CALN1: variants seen among roughly 807,000 people sequenced by gnomAD.
CALN1 encodes calcium-binding protein 8.
In CALN1, 17 loss-of-function variants were observed where a neutral mutation model predicts 30.6. That is an observed-to-expected ratio of 0.56 (90% confidence interval 0.38 to 0.83). The LOEUF (loss-of-function observed/expected upper bound fraction) is 0.83, where lower values mean the gene tolerates loss of function less well. Among genes scored for constraint, CALN1 ranks in the 40% least tolerant of loss-of-function variants. The pLI is 0.00. For synonymous variants in CALN1, 156 were observed against 131.4 expected, an observed-to-expected ratio of 1.19 and a Z score of -1.28; for missense variants, 291 against 354.9, an observed-to-expected ratio of 0.82 and a Z score of 1.45.
the CALN1 span, among the ~76,000 whole-genome samples, chr7:72,459,277 C>A: frequency 6.6e-6 from 1 of 152,154 alleles, no homozygotes; most frequent in Non-Finnish European, 1.5e-5. Context: ...AACCTCACAC[C>A]TGTGAAATTC....
At chr7:72,343,678 A>G (rs1056791915) in intron 2 of CALN1, among the ~76,000 whole-genome samples, 1 of 152,238 alleles carries the variant, frequency 6.6e-6, no homozygotes, top group Non-Finnish European at 1.5e-5. Context: ...AGAAAAGGTA[A>G]GCAGAGACAG....
At chr7:72,417,618 T>C (rs1343730383) in intron 1 of CALN1, among the ~76,000 whole-genome samples, 1 of 152,254 alleles carries the variant, frequency 6.6e-6, no homozygotes, top group East Asian at 1.9e-4. Context: ...TTAATATGAT[T>C]ATGTTCAATC....
At chr7:72,079,839 C>T (rs978533916) in intron 4 of CALN1, among the ~76,000 whole-genome samples, 6 of 142,202 alleles carry the variant, frequency 4.2e-5, no homozygotes, top group South Asian at 2.2e-4. Context: ...GGCGTGATCT[C>T]GGCTCACTGC....
rs1010635078 is a variant in CALN1 at position 71,978,262 on chromosome 7, CTTTTTT to C, written c.501+45389_501+45394del. Among the ~76,000 whole-genome samples the C allele has an allele frequency of 3.9e-3, 282 of 72,932 alleles. 4 individuals carry two copies. Among genetic ancestry groups the C allele is most frequent in the African/African-American group, 0.013 (231 of 17,632 alleles). 47.8% of individuals were successfully genotyped at this position (72,932 alleles called of 152,430 possible). Reference sequence around the variant, plus strand: ...AAAAACTCAGGGACTCTAGAGAATTCTTTTTTTTTTTTTTTTTTTTTTTTTTTGAGG... The same window carrying C: ...AAAAACTCAGGGACTCTAGAGAATTCTTTTTTTTTTTTTTTTTTTTTGAGG... On this transcript the variant is annotated intron_variant, in intron 5 of 6. Transcript: ENST00000395275.
At position 72,115,484 on chromosome 7, in the gene CALN1, C is replaced by CTTT. The variant is rs71069026; in HGVS notation, c.245-9193_245-9191dup. On this transcript the variant is annotated intron_variant, in intron 3 of 6. Coordinates refer to ENST00000395275, the MANE Select transcript of CALN1 (RefSeq NM_031468.4). The stretch of plus-strand genomic sequence containing the variant: ...GATAAATACATTACACATATACATT[C>CTTT]TTTTTTTTTTTTTTTTTTTTTTTTT... Among the ~76,000 whole-genome samples the CTTT allele has an allele frequency of 7.0e-3, 565 of 80,556 alleles. 16 individuals are homozygous for CTTT. The highest frequency in any genetic ancestry group is 0.02 in the African/African-American group (368 of 18,094). The allele number at this position is 80,556 out of a possible 152,430, so 52.8% of individuals were successfully genotyped here. A position where few individuals can be genotyped will look rare whatever the true frequency, so the allele number is the denominator to read the frequency against.
chr7:72,395,086 G>T (rs1047893204), intron 2 of CALN1, among the ~76,000 whole-genome samples: 1 of 152,188 alleles, frequency 6.6e-6, no homozygotes, highest in South Asian at 2.1e-4. Context: ...TAAACTCTAT[G>T]GTAAGTACTA....
chr7:71,888,391 G>A (rs1443086029), intron 5 of CALN1, among the ~76,000 whole-genome samples: 4 of 149,528 alleles, frequency 2.7e-5, no homozygotes, highest in Non-Finnish European at 5.9e-5. Context: ...AAAAGTGGGC[G>A]ATTGTATGGT....
chr7:72,064,380 A>C (rs2129537271), intron 4 of CALN1, among the ~76,000 whole-genome samples: 1 of 152,336 alleles, frequency 6.6e-6, no homozygotes, highest in South Asian at 2.1e-4. Flanking sequence ...GTGCAAGTGA[A>C]CTTTCTGAGG....
intron 4 of CALN1, among the ~76,000 whole-genome samples, chr7:72,056,409 T>C (rs181067540): frequency 6.6e-6 from 1 of 151,952 alleles, no homozygotes; most frequent in Non-Finnish European, 1.5e-5. Flanking sequence ...TAAATAAAGA[T>C]AATAAACATA....
At chr7:72,357,035 A>T (rs1330445531) in intron 2 of CALN1, among the ~76,000 whole-genome samples, 1 of 151,944 alleles carries the variant, frequency 6.6e-6, no homozygotes, top group African/African-American at 2.4e-5. Context: ...TTAACTGGAC[A>T]TTTTTTAAAA....
intron 2 of CALN1, among the ~76,000 whole-genome samples, chr7:72,339,720 A>T (rs996450722): frequency 2.0e-5 from 3 of 152,198 alleles, no homozygotes; most frequent in African/African-American, 7.2e-5. Flanking sequence ...AAGGTAAAGG[A>T]GAAGCAAAGG....
chr7:71,905,546 C>T (rs1481349181), intron 5 of CALN1, among the ~76,000 whole-genome samples: 1 of 152,032 alleles, frequency 6.6e-6, no homozygotes, highest in African/African-American at 2.4e-5. Context: ...CATTGATCCT[C>T]TACATCAGTA....
chr7:72,003,392 C>T lies in CALN1; in HGVS notation c.501+20265G>A, dbSNP rs566510242. Among the ~76,000 whole-genome samples the T allele has an allele frequency of 5.9e-5, 9 of 152,256 alleles. No homozygotes were observed. The South Asian group carries it at 6.2e-4, about 11-fold the overall frequency. The stretch of plus-strand genomic sequence containing the variant: ...GATGAAAACAGGTGTCCCCAACTCC[C>T]GGGCCATGGACCGGTACCAGATAGC... On this transcript the variant is annotated intron_variant, in intron 5 of 6. Coordinates refer to ENST00000395275, the MANE Select transcript of CALN1 (RefSeq NM_031468.4).
At chr7:71,931,888 G>T (rs546622397) in intron 5 of CALN1, among the ~76,000 whole-genome samples, 1 of 152,320 alleles carries the variant, frequency 6.6e-6, no homozygotes, top group South Asian at 2.1e-4. Flanking sequence ...CAAGGGGTCT[G>T]CCAGCCTAGC....
intron 4 of CALN1, among the ~76,000 whole-genome samples, chr7:72,037,595 C>T (rs905552957): frequency 6.6e-6 from 1 of 152,320 alleles, no homozygotes; most frequent in Non-Finnish European, 1.5e-5. Flanking sequence ...ACACTGCAAT[C>T]ATCAGTGACC....
chr7:72,325,112 C>G (rs932293908), intron 2 of CALN1, among the ~76,000 whole-genome samples: 1 of 151,222 alleles, frequency 6.6e-6, no homozygotes, highest in African/African-American at 2.4e-5. Flanking sequence ...CCAGCCTGGG[C>G]AACATGGTGA....
At chr7:72,300,517 C>G (rs1314823238) in intron 2 of CALN1, among the ~76,000 whole-genome samples, 1 of 152,088 alleles carries the variant, frequency 6.6e-6, no homozygotes, top group African/African-American at 2.4e-5. Context: ...AAGACGCTCA[C>G]TAAAATTTTA....
chr7:72,210,311 G>A (rs1199208282), intron 3 of CALN1, among the ~76,000 whole-genome samples: 2 of 152,086 alleles, frequency 1.3e-5, no homozygotes, highest in East Asian at 1.9e-4. Context: ...GGGAGTGTTG[G>A]TGAATGTGAA....
intron 5 of CALN1, among the ~76,000 whole-genome samples, chr7:71,936,236 C>T (rs12699116): frequency 0.2 from 30,828 of 151,876 alleles, 3,232 homozygotes; most frequent in African/African-American, 0.26. Context: ...CGGTGGCTCA[C>T]GCCTGCAATC....
Sources: gnomAD v4.1 joint callset for allele counts (sites outside exome capture counted in the v4.1 genomes callset) on GRCh38, gnomAD v4.1.1 for gene constraint, MANE v1.5 for transcripts, NCBI Gene and HGNC (gene_info 2026-07-23, HGNC 2026-07-21) for gene names.